Variants in BCHE observed in about 807,000 individuals in gnomAD.
BCHE encodes cholinesterase.
In BCHE, 48 loss-of-function variants were observed where a neutral mutation model predicts 51.3. That is an observed-to-expected ratio of 0.94 (90% confidence interval 0.74 to 1.19). BCHE has a LOEUF of 1.19. Ranked by LOEUF, BCHE falls within the 50% of genes most tolerant of loss-of-function variation. BCHE has a pLI of 0.00. For synonymous variants in BCHE, 251 were observed against 238.0 expected (o/e 1.05, Z -0.50); for missense variants, 847 against 708.2 (o/e 1.20, Z -2.23).
At chr3:165,779,670 A>T (rs756717485) in intron 3 of BCHE, among the ~76,000 whole-genome samples, 20 of 152,124 alleles carry the variant, frequency 1.3e-4, no homozygotes, top group Non-Finnish European at 2.6e-4. Flanking sequence ...CACAATTGCT[A>T]CAAAGAGAAT....
At chr3:165,800,829 A>G (rs952708748) in intron 2 of BCHE, among the ~76,000 whole-genome samples, 1 of 152,176 alleles carries the variant, frequency 6.6e-6, no homozygotes, top group Non-Finnish European at 1.5e-5. Context: ...AGTAAACAGA[A>G]CCTGTAAGTC....
At chr3:165,793,832 G>C (rs1284134350) in intron 2 of BCHE, among the ~76,000 whole-genome samples, 2 of 152,082 alleles carry the variant, frequency 1.3e-5, no homozygotes, top group African/African-American at 4.8e-5. Context: ...GATCACCTGG[G>C]ATAAGGAGTT....
At chr3:165,792,359 C>T (rs1319017409) in intron 2 of BCHE, among the ~76,000 whole-genome samples, 5 of 151,892 alleles carry the variant, frequency 3.3e-5, no homozygotes, top group South Asian at 4.2e-4. Context: ...AAGAGTTAAC[C>T]GAAACAATTT....
At chr3:165,834,202 T>C (rs1031949434) in intron 1 of BCHE, among the ~76,000 whole-genome samples, 1 of 80,358 alleles carries the variant, frequency 1.2e-5, no homozygotes, top group African/African-American at 3.6e-5. Context: ...GGTTGTAATA[T>C]CTTCCCATGT....
intron 2 of BCHE, among the ~76,000 whole-genome samples, chr3:165,807,090 C>T (rs1303131517): frequency 1.3e-5 from 2 of 151,844 alleles, no homozygotes; most frequent in Non-Finnish European, 2.9e-5. Flanking sequence ...ATTTTCATTT[C>T]CTTTTTAATT....
intron 2 of BCHE, among the ~76,000 whole-genome samples, chr3:165,828,761 TACAC>T (rs771489994): frequency 7.2e-5 from 11 of 152,136 alleles, no homozygotes; most frequent in Non-Finnish European, 1.5e-4. Flanking sequence ...TTTCTATAGA[TACAC>T]ATACATATTT....
chr3:165,828,382 T>G (rs1307998761), intron 2 of BCHE, among the ~76,000 whole-genome samples: 1 of 152,122 alleles, frequency 6.6e-6, no homozygotes, highest in Non-Finnish European at 1.5e-5. Flanking sequence ...GGCCTTTTAA[T>G]GCTAGGTGGA....
In BCHE at chr3:165,809,175, C is replaced by T. The variant is rs978234862; in HGVS notation, c.1517+20342G>A. Among the ~76,000 whole-genome samples the T allele has an allele frequency of 2.1e-4, 32 of 151,834 alleles. 1 individual carries two copies. The highest frequency in any genetic ancestry group is 1.9e-3 in the Admixed American group (29 of 15,234). ...TATTTAGCTTATGGAAGAAAAAAAC[C>T]GTTATGGACTTTCATGTTTCTATAT... On this transcript the variant is annotated intron_variant, in intron 2 of 3. Coordinates refer to ENST00000264381, the MANE Select transcript of BCHE (RefSeq NM_000055.4).
At chr3:165,783,333 T>A (rs1560003285) in intron 3 of BCHE, among the ~76,000 whole-genome samples, 1 of 152,150 alleles carries the variant, frequency 6.6e-6, no homozygotes, top group Admixed American at 6.6e-5. Flanking sequence ...AGACTTCATG[T>A]AGTTTAAAGT....
chr3:165,782,080 G>T (rs1712727097), intron 3 of BCHE, among the ~76,000 whole-genome samples: 1 of 151,906 alleles, frequency 6.6e-6, no homozygotes, highest in Non-Finnish European at 1.5e-5. Flanking sequence ...TCTAATAAGA[G>T]GTTAGAGGCT....
rs780384860 is a variant in BCHE at position 165,829,732 on chromosome 3, G to C, written c.1302C>G (p.Thr434=). Residue 434 remains threonine (T), a synonymous_variant, in exon 2 of 4, where the codon ACC becomes ACG. Transcript: ENST00000264381. ...YNFICPALEF[T]KKFSEWGNNA... ...TATTTCCCCATTCTGAGAACTTCTT[G>C]GTGAACTCCAAGGCAGGGCATATGA... 14 of 1,613,722 alleles carry C rather than the reference G, an allele frequency of 8.7e-6. No individual in the cohort carries two copies. The highest frequency in any genetic ancestry group is 1.2e-5 in the Non-Finnish European group (14 of 1,179,902).
In BCHE at chr3:165,794,674, C is replaced by A. The variant is rs1713302479; in HGVS notation, c.1518-8363G>T. Among the ~76,000 whole-genome samples, 3 of 152,236 alleles carry A rather than the reference C, an allele frequency of 2.0e-5. No homozygotes were observed. In the South Asian group the frequency reaches 6.2e-4, roughly 32 times the overall value. On this transcript the variant is annotated intron_variant, in intron 2 of 3. Coordinates refer to ENST00000264381, the MANE Select transcript of BCHE (RefSeq NM_000055.4). The stretch of plus-strand genomic sequence containing the variant: ...AGGCCCAACCTCCTAATACCTAATA[C>A]CATCACATTGGGAGTTAGTATTTCA...
At chr3:165,798,787 T>C (rs959395836) in intron 2 of BCHE, among the ~76,000 whole-genome samples, 2 of 151,630 alleles carry the variant, frequency 1.3e-5, no homozygotes, top group African/African-American at 4.8e-5. Flanking sequence ...CCTAGGTTTC[T>C]AGATATGCCT....
chr3:165,830,335 G>A lies in BCHE; in HGVS notation c.699C>T (p.Ser233=), dbSNP rs769497610. The A allele has an allele frequency of 6.2e-7, 1 of 1,613,812 alleles. No individual in the cohort carries two copies. Among genetic ancestry groups the A allele is most frequent in the African/African-American group, 1.3e-5 (1 of 74,908 alleles). Reference sequence around the variant, plus strand: ...GGCTTCCAGGAGAAAGCAAATGCAGGCTAACTGAAGCTGCTCCTGCACTTT... The same window carrying A: ...GGCTTCCAGGAGAAAGCAAATGCAGACTAACTGAAGCTGCTCCTGCACTTT... The part of the protein sequence containing the change: ...FGESAGAASV[S]LHLLSPGSHS... The change falls in exon 2 of 4, where the codon AGC becomes AGT. Residue 233 remains serine, a synonymous_variant. Transcript: ENST00000264381.
chr3:165,835,068 T>C (rs992810534), intron 1 of BCHE, among the ~76,000 whole-genome samples: 3 of 151,848 alleles, frequency 2.0e-5, no homozygotes, highest in African/African-American at 7.2e-5. Context: ...TTTTGAGGAA[T>C]TGAGTTTTTG....
intron 3 of BCHE, chr3:165,777,929 A>G (rs1576833041): frequency 1.4e-5 from 3 of 207,752 alleles, no homozygotes; most frequent in Non-Finnish European, 2.0e-5. Flanking sequence ...ATAATATAGC[A>G]TATAATAAAA....
chr3:165,834,643 C>A (rs1305927607), intron 1 of BCHE, among the ~76,000 whole-genome samples: 1 of 151,666 alleles, frequency 6.6e-6, no homozygotes, highest in African/African-American at 2.4e-5. Context: ...CATTAAAAGA[C>A]TTTAAAAATT....
At chr3:165,835,545 C>T (rs1409512779) in intron 1 of BCHE, among the ~76,000 whole-genome samples, 1 of 151,644 alleles carries the variant, frequency 6.6e-6, no homozygotes, top group South Asian at 2.1e-4. Context: ...CTAGAACAAG[C>T]TCTCTTAAAT....
At chr3:165,795,749 T>C (rs1713350935) in intron 2 of BCHE, among the ~76,000 whole-genome samples, 1 of 152,092 alleles carries the variant, frequency 6.6e-6, no homozygotes. Context: ...CCTTAGAAAT[T>C]TGCAAAAATT....
Sources: allele counts gnomAD v4.1 joint callset (sites outside exome capture counted in the v4.1 genomes callset), GRCh38; gene constraint gnomAD v4.1.1; transcripts MANE v1.5; gene names NCBI Gene and HGNC (gene_info 2026-07-23, HGNC 2026-07-21).